Variants in ST14 observed in about 807,000 individuals in gnomAD.
The protein encoded by ST14 is ST14 transmembrane serine protease matriptase.
ST14 carries 40 observed loss-of-function variants against 96.5 expected under a neutral mutation model. The observed-to-expected ratio is 0.41, with a 90% CI of 0.32 to 0.54. The LOEUF (loss-of-function observed/expected upper bound fraction) is 0.54, where lower values mean the gene tolerates loss of function less well. ST14 is among the 20% of genes least tolerant of loss of function. ST14 has a pLI of 0.17. For missense variants in ST14, 1,066 were observed against 1,188.9 expected, an observed-to-expected ratio of 0.90 and a Z score of 1.52; for synonymous variants, 506 against 492.1, an observed-to-expected ratio of 1.03 and a Z score of -0.37.
chr11:130,172,177 T>A (rs985475779), intron 1 of ST14, among the ~76,000 whole-genome samples: 1 of 151,522 alleles, frequency 6.6e-6, no homozygotes, highest in Non-Finnish European at 1.5e-5. Flanking sequence ...TGCAGTGGCG[T>A]GATCACAGCT....
In ST14 at chr11:130,194,748, T is replaced by C. The variant is rs1211049681; in HGVS notation, c.1113+11T>C. On this transcript the variant is annotated intron_variant, in intron 9 of 18. Transcript: ENST00000278742. ...ACATGGAACATTGAGGTAGGAGCTATGGGGCGTGTGAACGTGTGTGTGTGT... is the reference window on the plus strand; with the variant it reads ...ACATGGAACATTGAGGTAGGAGCTACGGGGCGTGTGAACGTGTGTGTGTGT... The C allele has an allele frequency of 6.2e-7, 1 of 1,613,756 alleles. No individual in the cohort carries two copies. Among genetic ancestry groups the C allele is most frequent in the Admixed American group, 1.7e-5 (1 of 59,992 alleles).
At position 130,209,533 on chromosome 11, in the gene ST14, C is replaced by T. The variant is rs752584432; in HGVS notation, c.2361C>T (p.Arg787=). Residue 787 remains arginine, a synonymous_variant, in exon 18 of 19, where the codon CGC becomes CGT. Transcript: ENST00000278742. ...TCCTGCCGCAGCAGATCACGCCGCG[C>T]ATGATGTGCGTGGGCTTCCTCAGCG... The part of the protein sequence containing the change: ...ENLLPQQITP[R]MMCVGFLSGG... 6.3e-7 allele frequency: 1 copy of T among 1,578,566 alleles called. No homozygotes were observed. Among genetic ancestry groups the T allele is most frequent in the Non-Finnish European group, 8.6e-7 (1 of 1,162,110 alleles).
chr11:130,187,909 T>C lies in ST14; in HGVS notation c.82-205T>C, dbSNP rs897370270. Among the ~76,000 whole-genome samples, 2 of 152,196 alleles carry C rather than the reference T, an allele frequency of 1.3e-5. No individual in the cohort carries two copies. The highest frequency in any genetic ancestry group is 2.9e-5 in the Non-Finnish European group (2 of 68,028). ...GTTGGGAAGGCCGACCTCATGTTCC[T>C]CCCAGAGCATGCCCAGGGTTCATGT... is the stretch of plus-strand genomic sequence containing the variant. On this transcript the variant is annotated intron_variant, in intron 1 of 18. Coordinates refer to ENST00000278742, the MANE Select transcript of ST14 (RefSeq NM_021978.4). The surrounding 1 kb of genome is among the most constrained non-coding windows in gnomAD (Gnocchi z 4.5).
At chr11:130,171,566 A>G (rs926016292) in intron 1 of ST14, among the ~76,000 whole-genome samples, 4 of 152,210 alleles carry the variant, frequency 2.6e-5, no homozygotes, top group Non-Finnish European at 5.9e-5. Flanking sequence ...CTTTTCTGCA[A>G]TATTGGGGGG....
intron 1 of ST14, among the ~76,000 whole-genome samples, chr11:130,184,949 C>G (rs1953224664): frequency 1.3e-5 from 2 of 152,086 alleles, no homozygotes; most frequent in Non-Finnish European, 1.5e-5. Flanking sequence ...TTGGGAGTGC[C>G]CAGAAAAAAA....
chr11:130,162,724 C>T (rs1465193444), intron 1 of ST14, among the ~76,000 whole-genome samples: 1 of 152,182 alleles, frequency 6.6e-6, no homozygotes, highest in African/African-American at 2.4e-5. Flanking sequence ...CTTGGGACCA[C>T]CCAAGGTAGT....
chr11:130,166,992 C>G (rs1953047027), intron 1 of ST14, among the ~76,000 whole-genome samples: 1 of 152,210 alleles, frequency 6.6e-6, no homozygotes, highest in Admixed American at 6.5e-5. Flanking sequence ...CGATGGATCA[C>G]TTGAGGTCAG....
chr11:130,183,720 T>C lies in ST14; in HGVS notation c.82-4394T>C, dbSNP rs1953214310. ...GTGTACAGGTTTTGTGCATTTTTTG[T>C]CAGATTTACCTCTAAGTATTTCATA... On this transcript the variant is annotated intron_variant, in intron 1 of 18. Coordinates refer to ENST00000278742, the MANE Select transcript of ST14 (RefSeq NM_021978.4). Among the ~76,000 whole-genome samples the C allele has an allele frequency of 2.6e-5, 4 of 152,352 alleles. No individual in the cohort carries two copies. The South Asian group carries it at 8.3e-4, about 32-fold the overall frequency.
At chr11:130,197,760 GT>G in intron 11 of ST14, 80 bp from the exon 12 acceptor site, 1 of 1,234,232 alleles carries the variant, frequency 8.1e-7, no homozygotes, top group South Asian at 1.4e-5. Flanking sequence ...TGGCTGGGAG[GT>G]TGGCCCGAGG....
At chr11:130,208,850 A>G (rs530135102) in intron 17 of ST14, among the ~76,000 whole-genome samples, 166 bp downstream of exon 17, 9 of 152,298 alleles carry the variant, frequency 5.9e-5, no homozygotes, top group Admixed American at 4.6e-4. Flanking sequence ...TAAAAGGGGC[A>G]TGGGATTTGC....
At chr11:130,169,449 G>A (rs1417671359) in intron 1 of ST14, among the ~76,000 whole-genome samples, 1 of 152,156 alleles carries the variant, frequency 6.6e-6, no homozygotes, top group African/African-American at 2.4e-5. Flanking sequence ...ACAGATTAGC[G>A]ATTGTGGAGC....
chr11:130,205,960 G>C (rs1953482405), intron 16 of ST14, among the ~76,000 whole-genome samples: 1 of 152,108 alleles, frequency 6.6e-6, no homozygotes, highest in South Asian at 2.1e-4. Flanking sequence ...GGCTCCCAAA[G>C]TGCTAGGATT....
At chr11:130,163,434 C>T (rs1321849343) in intron 1 of ST14, among the ~76,000 whole-genome samples, 1 of 152,160 alleles carries the variant, frequency 6.6e-6, no homozygotes, top group Admixed American at 6.5e-5. Flanking sequence ...GTTTTTTAGA[C>T]ATGGGGGTCT....
chr11:130,190,684 G>A lies in ST14; in HGVS notation c.865G>A (p.Ala289Thr), dbSNP rs758552937. Residue 289 changes from alanine (A) to threonine (T), a missense_variant, in exon 7 of 19, where the codon GCC becomes ACC. Coordinates refer to ENST00000278742, the MANE Select transcript of ST14 (RefSeq NM_021978.4). Reference sequence around the variant, plus strand: ...CACCCTGAGCCCCATGGAGCCCCACGCCCTGGTGCAGTGAGTACCCCGGGG... The same window carrying A: ...CACCCTGAGCCCCATGGAGCCCCACACCCTGGTGCAGTGAGTACCCCGGGG... ...YNTLSPMEPHALVQLCGTYPP... is the reference protein window; with the variant it reads ...YNTLSPMEPHTLVQLCGTYPP... 17 of 1,587,374 alleles carry A rather than the reference G, an allele frequency of 1.1e-5. No individual in the cohort carries two copies. The East Asian group carries it at 1.2e-4, about 11-fold the overall frequency.
In ST14 at chr11:130,188,846, C is replaced by G. The variant is rs1953265539; in HGVS notation, c.370-23C>G. ...AGGGTCATCGCCGCATGGGGCTCAC[C>G]TTGAGTCTCTGCCCTTCCTCAGCTG... On this transcript the variant is annotated intron_variant, in intron 3 of 18. Transcript: ENST00000278742. The surrounding 1 kb of genome is among the most constrained non-coding windows in gnomAD (Gnocchi z 5.4). 6.2e-7 allele frequency: 1 copy of G among 1,611,336 alleles called. No homozygotes were observed. The highest frequency in any genetic ancestry group is 1.1e-5 in the South Asian group (1 of 90,548).
chr11:130,207,523 C>A (rs185762212), intron 16 of ST14, among the ~76,000 whole-genome samples: 177 of 152,260 alleles, frequency 1.2e-3, no homozygotes, highest in African/African-American at 4.1e-3. Context: ...TGTACTCCAG[C>A]CTGGGTGACA....
In ST14 at chr11:130,188,318, G is replaced by A; in HGVS notation, c.241+45G>A. 1.9e-6 allele frequency: 3 copies of A among 1,597,448 alleles called. No homozygotes were observed. The highest frequency in any genetic ancestry group is 2.6e-6 in the Non-Finnish European group (3 of 1,170,874). ...GCTCCGGGGAGGACGACAAGGGGTG[G>A]CTGTCCCTCTTCCCTCAGCGGACAG... On this transcript the variant is annotated intron_variant, in intron 2 of 18. Transcript: ENST00000278742. This position sits in a 1 kb window ranked among gnomAD's most constrained non-coding sequence, Gnocchi z 5.4.
intron 17 of ST14, among the ~76,000 whole-genome samples, chr11:130,208,999 C>A (rs968502321): frequency 6.6e-6 from 1 of 152,074 alleles, no homozygotes; most frequent in African/African-American, 2.4e-5. Flanking sequence ...GCTTAAGGCA[C>A]GTGAGGGGGT....
rs547140513 is a variant in ST14, at chr11:130,208,297, G to A, written c.1995-113G>A. The A allele has an allele frequency of 4.1e-6, 6 of 1,477,672 alleles. No homozygotes were observed. The East Asian group carries it at 6.9e-5, about 17-fold the overall frequency. The allele number at this position is 1,477,672 out of a possible 1,614,324, so 91.5% of individuals were successfully genotyped here. A position where few individuals can be genotyped will look rare whatever the true frequency, so the allele number is the denominator to read the frequency against. Reference sequence around the variant, plus strand: ...TAAGAGCCGGCCCCATCGTCTTCTCGTAGCAGCAGCTGTGCCTCATCCATG... The same window carrying A: ...TAAGAGCCGGCCCCATCGTCTTCTCATAGCAGCAGCTGTGCCTCATCCATG... On this transcript the variant is annotated intron_variant, in intron 16 of 18. Transcript: ENST00000278742.
Sources: allele counts gnomAD v4.1 joint callset (sites outside exome capture counted in the v4.1 genomes callset), GRCh38; gene constraint gnomAD v4.1.1; non-coding constraint Gnocchi (gnomAD v3.1); transcripts MANE v1.5; gene names NCBI Gene and HGNC (gene_info 2026-07-23, HGNC 2026-07-21).